The following TAFA2 variants were observed in gnomAD, a reference collection of about 807,000 sequenced individuals.
TAFA2 encodes TAFA chemokine like family member 2, also known as chemokine-like protein TAFA-2.
Under a neutral mutation model 18.8 loss-of-function variants are expected in TAFA2, and 7 were observed. That is an observed-to-expected ratio of 0.37 (90% CI 0.21 to 0.70). The LOEUF is 0.70. Ranked by LOEUF, TAFA2 falls within the 30% of genes least tolerant of loss-of-function variation. The probability of loss-of-function intolerance (pLI) is 0.53; values close to 1 mark genes in which losing one functional copy is unlikely to be tolerated. For missense variants in TAFA2, 122 were observed against 158.1 expected (o/e 0.77, Z 1.23); for synonymous variants, 60 against 54.2 (o/e 1.11, Z -0.47).
At chr12:61,725,352 T>A (rs1163066605) in intron 4 of TAFA2, among the ~76,000 whole-genome samples, 1 of 152,076 alleles carries the variant, frequency 6.6e-6, no homozygotes, top group African/African-American at 2.4e-5. Flanking sequence ...TCGTGAATTC[T>A]TTGCATAAGC....
At chr12:62,039,124 C>T (rs1881690687) in intron 1 of TAFA2, among the ~76,000 whole-genome samples, 1 of 152,094 alleles carries the variant, frequency 6.6e-6, no homozygotes, top group Admixed American at 6.6e-5. Context: ...AGGGAAAATG[C>T]AAAATAAGAA....
At chr12:62,203,950 T>C (rs2062682075) in intron 1 of TAFA2, among the ~76,000 whole-genome samples, 1 of 152,170 alleles carries the variant, frequency 6.6e-6, no homozygotes, top group African/African-American at 2.4e-5. Flanking sequence ...TGTACTTCAG[T>C]GTGGTTTTGT....
In TAFA2 at chr12:62,081,570, C is replaced by T. The variant is rs759238105; in HGVS notation, c.-2+109689G>A. Reference sequence around the variant, plus strand: ...TGCAATCTCGACTCACTACAACCTCCGCCTCCCAGGTTCAAGTGATTCTCC... The same window carrying T: ...TGCAATCTCGACTCACTACAACCTCTGCCTCCCAGGTTCAAGTGATTCTCC... On this transcript the variant is annotated intron_variant, in intron 1 of 4. Transcript: ENST00000416284. Among the ~76,000 whole-genome samples the T allele has an allele frequency of 3.9e-5, 6 of 152,022 alleles. No individual in the cohort carries two copies. The East Asian group carries it at 5.8e-4, about 15-fold the overall frequency.
intron 1 of TAFA2, among the ~76,000 whole-genome samples, chr12:61,979,808 TA>T (rs1879566710): frequency 6.6e-6 from 1 of 151,904 alleles, no homozygotes; most frequent in Admixed American, 6.6e-5. Flanking sequence ...TAAAGATGCC[TA>T]GAAGGAGAAC....
At position 62,030,197 on chromosome 12, in the gene TAFA2, C is replaced by T. The variant is rs191368565; in HGVS notation, c.-2+161062G>A. Among the ~76,000 whole-genome samples the T allele has an allele frequency of 1.2e-4, 18 of 152,210 alleles. No homozygotes were observed. The East Asian group carries it at 3.1e-3, about 26-fold the overall frequency. On this transcript the variant is annotated intron_variant, in intron 1 of 4. Coordinates refer to ENST00000416284, the MANE Select transcript of TAFA2 (RefSeq NM_178539.5). ...AAAGATAGTGGTCAGAGTAGAATGC[C>T]TGAAACTGAGATGAAGACGGGGTTG...
intron 1 of TAFA2, among the ~76,000 whole-genome samples, chr12:61,934,699 C>G (rs1054125351): frequency 3.3e-5 from 5 of 152,218 alleles, no homozygotes; most frequent in Non-Finnish European, 5.9e-5. Context: ...TCTTCTGCAT[C>G]TCAGAAGCTG....
intron 1 of TAFA2, among the ~76,000 whole-genome samples, chr12:62,240,160 T>C (rs993629026): frequency 1.2e-4 from 19 of 152,166 alleles, no homozygotes; most frequent in Middle Eastern, 6.8e-3. Flanking sequence ...GGCTCACATC[T>C]GTAATCCCAG....
At chr12:62,093,542 CT>C (rs1392042336) in intron 1 of TAFA2, among the ~76,000 whole-genome samples, 1 of 152,018 alleles carries the variant, frequency 6.6e-6, no homozygotes, top group East Asian at 1.9e-4. Context: ...GCAAGACCCC[CT>C]GGGGAAGTCT....
chr12:62,245,862 T>G (rs1263072495), intron 1 of TAFA2, among the ~76,000 whole-genome samples: 1 of 150,556 alleles, frequency 6.6e-6, no homozygotes, highest in African/African-American at 2.4e-5. Context: ...GCTTATTCTG[T>G]TGTACTTTTT....
At chr12:62,252,634 T>C (rs2062919708) in intron 1 of TAFA2, 1 of 152,192 alleles carries the variant, frequency 6.6e-6, no homozygotes, top group African/African-American at 2.4e-5. Context: ...TCAGAGGGTA[T>C]ACTGCATAGG....
At chr12:62,227,984 G>A (rs1592410007) in intron 1 of TAFA2, among the ~76,000 whole-genome samples, 1 of 151,586 alleles carries the variant, frequency 6.6e-6, no homozygotes, top group East Asian at 1.9e-4. Context: ...TTTTTATGTG[G>A]GTGCCATGTT....
At chr12:61,726,910 T>G (rs1366028493) in intron 4 of TAFA2, among the ~76,000 whole-genome samples, 1 of 152,022 alleles carries the variant, frequency 6.6e-6, no homozygotes, top group African/African-American at 2.4e-5. Flanking sequence ...CCTTCTATAC[T>G]AATTTTGCTG....
chr12:61,842,276 A>AT (rs76159795), intron 2 of TAFA2, among the ~76,000 whole-genome samples: 51,244 of 151,788 alleles, frequency 0.34, 8,917 homozygotes, highest in East Asian at 0.38. Flanking sequence ...CACATGACAG[A>AT]ACTTGCCCTT....
chr12:61,778,611 A>C (rs1312293806), intron 2 of TAFA2, among the ~76,000 whole-genome samples: 1 of 151,896 alleles, frequency 6.6e-6, no homozygotes, highest in Non-Finnish European at 1.5e-5. Context: ...CCCTCAGGGA[A>C]AAGACAAACA....
intron 2 of TAFA2, among the ~76,000 whole-genome samples, chr12:61,773,589 G>A (rs565379809): frequency 1.4e-3 from 218 of 151,812 alleles, no homozygotes; most frequent in Non-Finnish European, 2.7e-3. Context: ...GAAAGCAAAC[G>A]AAAACATAAA....
rs187460219 is a variant in TAFA2, at chr12:61,754,897, C to T, written c.234G>A (p.Thr78=). ...CATCCACACATGATGGAGCAGCTCGCGTGGTGCCTGCCACCTGCCCAGGGA... is the reference window on the plus strand; with the variant it reads ...CATCCACACATGATGGAGCAGCTCGTGTGGTGCCTGCCACCTGCCCAGGGA... ...SCFPGQVAGT[T]RAAPSCVDAS... is the part of the protein sequence containing the mutation. The change falls in exon 3 of 5, where the codon ACG becomes ACA. Residue 78 remains threonine, a synonymous_variant. Coordinates refer to ENST00000416284, the MANE Select transcript of TAFA2 (RefSeq NM_178539.5). The T allele has an allele frequency of 4.1e-4, 660 of 1,612,808 alleles. No homozygotes were observed. Among genetic ancestry groups the T allele is most frequent in the Middle Eastern group, 1.7e-4 (1 of 6,040 alleles).
At chr12:62,019,452 A>T (rs1881048268) in intron 1 of TAFA2, among the ~76,000 whole-genome samples, 1 of 147,400 alleles carries the variant, frequency 6.8e-6, no homozygotes, top group Non-Finnish European at 1.5e-5. Flanking sequence ...TGGATTAAGA[A>T]AATGTGGCAC....
intron 2 of TAFA2, among the ~76,000 whole-genome samples, chr12:61,765,714 C>T (rs1454755762): frequency 6.6e-6 from 1 of 151,960 alleles, no homozygotes. Flanking sequence ...TTAGTGTTAG[C>T]TATAATTATT....
chr12:62,245,035 G>A (rs1176446327), intron 1 of TAFA2, among the ~76,000 whole-genome samples: 1 of 151,580 alleles, frequency 6.6e-6, no homozygotes, highest in Non-Finnish European at 1.5e-5. Context: ...AGGCAAATTT[G>A]TCACTCTCTT....
Sources: allele counts gnomAD v4.1 joint callset (sites outside exome capture counted in the v4.1 genomes callset), GRCh38; gene constraint gnomAD v4.1.1; transcripts MANE v1.5; gene names NCBI Gene and HGNC (gene_info 2026-07-23, HGNC 2026-07-21).